Variants in TUSC3 observed in about 807,000 individuals in gnomAD.
TUSC3 encodes tumor suppressor candidate 3, also known as dolichyl-diphosphooligosaccharide--protein glycosyltransferase subunit TUSC3.
TUSC3 carries 45 observed loss-of-function variants against 44.8 expected under a neutral mutation model. The ratio of observed to expected loss-of-function variants is 1.00; its 90% CI spans 0.79 to 1.29. TUSC3 has a LOEUF of 1.29. Ranked by LOEUF, TUSC3 falls within the 50% of genes most tolerant of loss-of-function variation. The probability of loss-of-function intolerance (pLI) is 0.00; values close to 1 mark genes in which losing one functional copy is unlikely to be tolerated. For synonymous variants in TUSC3, 212 were observed against 152.9 expected, an observed-to-expected ratio of 1.39 and a Z score of -2.85; for missense variants, 519 against 437.9, an observed-to-expected ratio of 1.19 and a Z score of -1.65.
chr8:15,682,074 G>C (rs780154635), intron 6 of TUSC3, among the ~76,000 whole-genome samples: 3 of 152,066 alleles, frequency 2.0e-5, no homozygotes, highest in Non-Finnish European at 4.4e-5. Context: ...GATTTACTTT[G>C]TGACCAAGGA....
chr8:15,523,725 T>TAA (rs1563273720), intron 2 of TUSC3, among the ~76,000 whole-genome samples: 29 of 134,248 alleles, frequency 2.2e-4, no homozygotes, highest in Admixed American at 9.2e-4. Flanking sequence ...TATATATATA[T>TAA]AAAGTAGTTC....
chr8:15,462,693 T>C (rs1800361148), intron 1 of TUSC3, among the ~76,000 whole-genome samples: 1 of 152,138 alleles, frequency 6.6e-6, no homozygotes, highest in African/African-American at 2.4e-5. Flanking sequence ...ATTTAGTCTA[T>C]TATACTCCTA....
At chr8:15,494,757 A>G (rs553956923) in intron 2 of TUSC3, among the ~76,000 whole-genome samples, 20 of 152,342 alleles carry the variant, frequency 1.3e-4, no homozygotes, top group African/African-American at 4.6e-4. Context: ...GGACTGTATT[A>G]TGACAAAGGG....
chr8:15,428,461 T>A (rs936557631), intron 1 of TUSC3, among the ~76,000 whole-genome samples: 11 of 152,144 alleles, frequency 7.2e-5, no homozygotes, highest in African/African-American at 2.4e-4. Flanking sequence ...GCAGCATGAT[T>A]TATAGTCCTT....
At position 15,543,975 on chromosome 8, in the gene TUSC3, C is replaced by T. The variant is rs577582751; in HGVS notation, c.138+3407C>T. ...TGTTTGTACACATACACATATGCTT[C>T]TTCGTGAAGACATTTTCATTCATTA... On this transcript the variant is annotated intron_variant, in intron 1 of 10. Transcript: ENST00000503731. Among the ~76,000 whole-genome samples the T allele has an allele frequency of 3.3e-5, 5 of 151,788 alleles. No homozygotes were observed. In the East Asian group the frequency reaches 9.7e-4, roughly 29 times the overall value.
chr8:15,477,491 G>C (rs1344930327), intron 1 of TUSC3, among the ~76,000 whole-genome samples: 1 of 152,144 alleles, frequency 6.6e-6, no homozygotes, highest in Non-Finnish European at 1.5e-5. Context: ...GGGAGGCTGA[G>C]GCAGGCAGAT....
chr8:15,724,379 A>C (rs1283829901), intron 6 of TUSC3, among the ~76,000 whole-genome samples: 2 of 152,192 alleles, frequency 1.3e-5, no homozygotes, highest in Non-Finnish European at 2.9e-5. Flanking sequence ...CTGTCATTTT[A>C]TATAGACATT....
At chr8:15,701,880 T>A (rs1327510873) in intron 6 of TUSC3, among the ~76,000 whole-genome samples, 1 of 152,292 alleles carries the variant, frequency 6.6e-6, no homozygotes, top group East Asian at 1.9e-4. Flanking sequence ...CTGTGAGAAT[T>A]TCTTGAAGCA....
At chr8:15,610,608 T>C (rs976862521) in intron 1 of TUSC3, among the ~76,000 whole-genome samples, 1 of 152,222 alleles carries the variant, frequency 6.6e-6, no homozygotes, top group African/African-American at 2.4e-5. Context: ...TCGGAAACAG[T>C]TGTTACTTCG....
chr8:15,838,892 A>G, the TUSC3 span, among the ~76,000 whole-genome samples: 1 of 152,100 alleles, frequency 6.6e-6, no homozygotes, highest in Non-Finnish European at 1.5e-5. Context: ...CAATTCTGTG[A>G]GGAAAGTCAT....
At chr8:15,714,710 G>C (rs1225089502) in intron 6 of TUSC3, among the ~76,000 whole-genome samples, 2 of 152,094 alleles carry the variant, frequency 1.3e-5, no homozygotes, top group African/African-American at 2.4e-5. Context: ...GTTTCTTTCA[G>C]TTTGTTCAGT....
At chr8:15,524,056 C>CA (rs35388650) in intron 2 of TUSC3, among the ~76,000 whole-genome samples, 84,890 of 135,312 alleles carry the variant, frequency 0.63, 26,149 homozygotes, top group Non-Finnish European at 0.67. Context: ...GACTCCGTCT[C>CA]AAAAAAAAAA....
chr8:15,576,806 T>C (rs1318167108), intron 1 of TUSC3, among the ~76,000 whole-genome samples: 1 of 140,442 alleles, frequency 7.1e-6, no homozygotes, highest in Non-Finnish European at 1.5e-5. Context: ...GCACGATTTA[T>C]AGTCATTTGG....
At chr8:15,832,403 A>G in the TUSC3 span, among the ~76,000 whole-genome samples, 2 of 152,178 alleles carry the variant, frequency 1.3e-5, no homozygotes, top group Non-Finnish European at 2.9e-5. Flanking sequence ...AGCTAACATC[A>G]TGATGACAGG....
At chr8:15,759,929 C>T (rs1414408820) in intron 10 of TUSC3, among the ~76,000 whole-genome samples, 2 of 151,560 alleles carry the variant, frequency 1.3e-5, no homozygotes, top group South Asian at 2.1e-4. Flanking sequence ...TCATTTTGTC[C>T]TCATCCTCAT....
intron 2 of TUSC3, among the ~76,000 whole-genome samples, chr8:15,495,077 C>T (rs746732411): frequency 6.6e-6 from 1 of 152,140 alleles, no homozygotes; most frequent in African/African-American, 2.4e-5. Flanking sequence ...CTGCAAAATA[C>T]AGGATCTCAT....
At chr8:15,727,747 T>C (rs1810556683) in intron 6 of TUSC3, among the ~76,000 whole-genome samples, 1 of 152,202 alleles carries the variant, frequency 6.6e-6, no homozygotes, top group African/African-American at 2.4e-5. Flanking sequence ...TTGGCTAAGA[T>C]CAAGTGAACA....
chr8:15,835,436 T>C, the TUSC3 span, among the ~76,000 whole-genome samples: 1 of 152,178 alleles, frequency 6.6e-6, no homozygotes, highest in East Asian at 1.9e-4. Context: ...TTCTATTTCA[T>C]TGATTCCTGC....
chr8:15,796,535 A>G, the TUSC3 span, among the ~76,000 whole-genome samples: 1 of 152,224 alleles, frequency 6.6e-6, no homozygotes, highest in African/African-American at 2.4e-5. Flanking sequence ...CATTTTCTGC[A>G]TAGCTGCCAC....
Sources: gnomAD v4.1 joint callset for allele counts (sites outside exome capture counted in the v4.1 genomes callset) on GRCh38, gnomAD v4.1.1 for gene constraint, MANE v1.5 for transcripts, NCBI Gene and HGNC (gene_info 2026-07-23, HGNC 2026-07-21) for gene names.